Variants in STPG2 observed in about 807,000 individuals in gnomAD.
STPG2 encodes sperm-tail PG-rich repeat-containing protein 2.
In STPG2, 56 loss-of-function variants were observed where a neutral mutation model predicts 54.2. The ratio of observed to expected loss-of-function variants is 1.03; its 90% CI spans 0.83 to 1.29. STPG2 has a LOEUF of 1.29. Among genes scored for constraint, STPG2 ranks in the 50% most tolerant of loss-of-function variants. The pLI is 0.00. For synonymous variants in STPG2, 200 were observed against 181.8 expected, an observed-to-expected ratio of 1.10 and a Z score of -0.81; for missense variants, 596 against 544.9, an observed-to-expected ratio of 1.09 and a Z score of -0.93.
intron 9 of STPG2, among the ~76,000 whole-genome samples, chr4:97,816,232 AG>A (rs1310881439): frequency 1.3e-5 from 2 of 151,798 alleles, no homozygotes; most frequent in South Asian, 2.1e-4. Context: ...ATGGCTGCAT[AG>A]TACTCCATGG....
chr4:97,735,261 CTA>C (rs368849557), intron 9 of STPG2, among the ~76,000 whole-genome samples: 2 of 150,668 alleles, frequency 1.3e-5, no homozygotes, highest in African/African-American at 2.4e-5. Context: ...AGGTGTGTAT[CTA>C]TATATATATA....
rs538464612 is a variant in STPG2, at chr4:97,692,198, C to T, written c.1320+20501G>A. On this transcript the variant is annotated intron_variant, in intron 10 of 10. Coordinates refer to ENST00000295268, the MANE Select transcript of STPG2 (RefSeq NM_174952.3). ...AACCAAGATGAAATTTCTGAATTGCCAGAAAAAGAATTCAGAAAGTTGACC... is the reference window on the plus strand; with the variant it reads ...AACCAAGATGAAATTTCTGAATTGCTAGAAAAAGAATTCAGAAAGTTGACC... Among the ~76,000 whole-genome samples the T allele has an allele frequency of 9.5e-5, 14 of 147,618 alleles. No individual in the cohort carries two copies. The East Asian group carries it at 2.8e-3, about 30-fold the overall frequency.
chr4:97,843,656 G>T (rs1234662236), intron 8 of STPG2, among the ~76,000 whole-genome samples: 1 of 151,882 alleles, frequency 6.6e-6, no homozygotes, highest in African/African-American at 2.4e-5. Flanking sequence ...ATCAAAAGTA[G>T]TTAAGTTGTT....
intron 5 of STPG2, among the ~76,000 whole-genome samples, chr4:98,070,362 T>C (rs1737962271): frequency 6.6e-6 from 1 of 151,980 alleles, no homozygotes; most frequent in Non-Finnish European, 1.5e-5. Flanking sequence ...TGAAGGAACA[T>C]ACCTCAAAAT....
rs567233205 is a variant in STPG2, at chr4:97,824,692, G to T, written c.1204+16081C>A. On this transcript the variant is annotated intron_variant, in intron 9 of 10. Coordinates refer to ENST00000295268, the MANE Select transcript of STPG2 (RefSeq NM_174952.3). Reference sequence around the variant, plus strand: ...AATTTGGGGGTTCATGAAATAGTCAGCCCTAAAAATTATCTTGCTAAAAGA... The same window carrying T: ...AATTTGGGGGTTCATGAAATAGTCATCCCTAAAAATTATCTTGCTAAAAGA... 1.7e-3 allele frequency among the ~76,000 whole-genome samples: 266 copies of T among 152,200 alleles called. 2 individuals are homozygous for T. The highest frequency in any genetic ancestry group is 6.0e-3 in the African/African-American group (248 of 41,526).
chr4:97,903,582 C>T (rs187578927), intron 8 of STPG2, among the ~76,000 whole-genome samples: 36 of 152,118 alleles, frequency 2.4e-4, no homozygotes, highest in Admixed American at 2.1e-3. Flanking sequence ...GTAGTAAGAC[C>T]GATTAACAAA....
intron 2 of STPG2, among the ~76,000 whole-genome samples, chr4:98,132,759 T>C (rs747504803): frequency 2.0e-5 from 3 of 151,928 alleles, no homozygotes; most frequent in Admixed American, 6.6e-5. Context: ...TAAAAGGGGA[T>C]AGTAAGAGAA....
chr4:97,904,556 T>C (rs1214381174), intron 8 of STPG2, among the ~76,000 whole-genome samples: 1 of 152,134 alleles, frequency 6.6e-6, no homozygotes, highest in Non-Finnish European at 1.5e-5. Context: ...CTGCCTCTCC[T>C]CCTCCAAAGG....
intron 5 of STPG2, among the ~76,000 whole-genome samples, chr4:97,999,635 G>A (rs978284135): frequency 3.3e-5 from 5 of 151,956 alleles, no homozygotes; most frequent in African/African-American, 1.2e-4. Flanking sequence ...GGAGGCAGAG[G>A]TGGCAGTGAG....
chr4:97,658,517 A>C (rs1321646310), intron 10 of STPG2, among the ~76,000 whole-genome samples: 2 of 152,186 alleles, frequency 1.3e-5, no homozygotes, highest in African/African-American at 4.8e-5. Flanking sequence ...CTCTCAGGGC[A>C]GGGTAAGTTG....
intron 5 of STPG2, among the ~76,000 whole-genome samples, chr4:98,068,519 T>C (rs1265009022): frequency 6.6e-6 from 1 of 152,170 alleles, no homozygotes; most frequent in East Asian, 1.9e-4. Context: ...ACCACTAATC[T>C]GAATTGCTCC....
At chr4:97,560,111 T>C (rs1477797872) in intron 10 of STPG2, among the ~76,000 whole-genome samples, 1 of 152,134 alleles carries the variant, frequency 6.6e-6, no homozygotes, top group Non-Finnish European at 1.5e-5. Flanking sequence ...TGATGACCCT[T>C]AGGATAATTT....
intron 5 of STPG2, among the ~76,000 whole-genome samples, chr4:98,099,785 A>T: frequency 6.6e-6 from 1 of 152,172 alleles, no homozygotes; most frequent in Non-Finnish European, 1.5e-5. Context: ...AATCAAAATA[A>T]ATTCTAAAAA....
At chr4:98,118,776 A>T (rs1158017803) in intron 3 of STPG2, among the ~76,000 whole-genome samples, 1 of 152,168 alleles carries the variant, frequency 6.6e-6, no homozygotes, top group Non-Finnish European at 1.5e-5. Flanking sequence ...AAAGTAAGGA[A>T]ATTTTCAAAG....
At chr4:97,523,030 G>A (rs976405044) in intron 4 of STPG2, among the ~76,000 whole-genome samples, 3 of 151,956 alleles carry the variant, frequency 2.0e-5, no homozygotes, top group Admixed American at 6.6e-5. Context: ...AGTAGTTCCT[G>A]AAAGGAGCCA....
intron 9 of STPG2, among the ~76,000 whole-genome samples, chr4:97,801,151 C>T (rs918620472): frequency 2.0e-5 from 3 of 152,218 alleles, no homozygotes; most frequent in Non-Finnish European, 4.4e-5. Flanking sequence ...ATGCCTCGCC[C>T]TGCCTCAGCT....
At chr4:97,874,875 C>G (rs1225517380) in intron 8 of STPG2, among the ~76,000 whole-genome samples, 1 of 151,816 alleles carries the variant, frequency 6.6e-6, no homozygotes, top group Admixed American at 6.6e-5. Flanking sequence ...TTATGACTCT[C>G]TCCGCCATAT....
chr4:97,487,199 G>GA (rs375633953), intron 4 of STPG2, among the ~76,000 whole-genome samples: 3,119 of 144,020 alleles, frequency 0.022, 63 homozygotes, highest in African/African-American at 0.059. Flanking sequence ...ATAACCTATG[G>GA]AAAAAAAAAA....
intron 5 of STPG2, among the ~76,000 whole-genome samples, chr4:98,033,691 G>A (rs190634908): frequency 1.6e-4 from 24 of 152,104 alleles, no homozygotes; most frequent in Admixed American, 1.1e-3. Flanking sequence ...ACATCGATGC[G>A]AAAATCCTCA....
Sources: gnomAD v4.1 joint callset for allele counts (sites outside exome capture counted in the v4.1 genomes callset) on GRCh38, gnomAD v4.1.1 for gene constraint, MANE v1.5 for transcripts, NCBI Gene and HGNC (gene_info 2026-07-23, HGNC 2026-07-21) for gene names.